LATS2: variants seen among roughly 807,000 people sequenced by gnomAD.
LATS2 encodes the protein large tumor suppressor kinase 2.
Under a neutral mutation model 76.0 loss-of-function variants are expected in LATS2, and 24 were observed. The ratio of observed to expected loss-of-function variants is 0.32; its 90% confidence interval spans 0.23 to 0.44. The LOEUF (loss-of-function observed/expected upper bound fraction) is 0.44. Ranked by LOEUF, LATS2 falls within the 20% of genes least tolerant of loss-of-function variation. The pLI is 1.00. For missense variants in LATS2, 1,286 were observed against 1,481.2 expected (o/e 0.87, Z 2.16); for synonymous variants, 692 against 635.4 (o/e 1.09, Z -1.34).
At chr13:21,047,926 A>T (rs969700937) in intron 1 of LATS2, among the ~76,000 whole-genome samples, 2 of 152,164 alleles carry the variant, frequency 1.3e-5, no homozygotes, top group African/African-American at 4.8e-5. Context: ...TTTAGAAGAT[A>T]AGAGAGAGAC....
Position 20,983,307 on chromosome 13 carries a change from T to C in LATS2, c.2399A>G (p.Asp800Gly), listed in dbSNP as rs1441472107. 5 of 1,614,044 alleles carry C rather than the reference T, an allele frequency of 3.1e-6. No individual in the cohort carries two copies. Among genetic ancestry groups the C allele is most frequent in the East Asian group, 2.2e-5 (1 of 44,862 alleles). The part of the protein sequence containing the change: ...RDIKPDNILI[D>G]LDGHIKLTDF... The stretch of plus-strand genomic sequence containing the variant: ...TGTGAGTTTAATGTGACCATCCAGA[T>C]CTATCAAAATGTTATCAGGCTTGAT... Residue 800 changes from aspartate to glycine, a missense_variant, in exon 5 of 8, where the codon GAT becomes GGT. Physicochemically the swap from Asp to Gly is moderately conservative, Grantham distance 94. Coordinates refer to ENST00000382592, the MANE Select transcript of LATS2 (RefSeq NM_014572.3).
Position 20,989,307 on chromosome 13 carries a change from G to T in LATS2, c.476-3C>A. The T allele has an allele frequency of 6.2e-7, 1 of 1,613,644 alleles. No individual in the cohort carries two copies. Among genetic ancestry groups the T allele is most frequent in the Non-Finnish European group, 8.5e-7 (1 of 1,179,988 alleles). On this transcript the variant is annotated splice_region_variant and splice_polypyrimidine_tract_variant and intron_variant, in intron 3 of 7. Transcript: ENST00000382592. Reference sequence around the variant, plus strand: ...TGGGGTTGGCATGAGCCCCTTTCCTGCAGTGGAAAAAACAGGAAGACAGCA... The same window carrying T: ...TGGGGTTGGCATGAGCCCCTTTCCTTCAGTGGAAAAAACAGGAAGACAGCA...
chr13:20,975,809 G>A (rs1250367421), intron 7 of LATS2, among the ~76,000 whole-genome samples: 1 of 152,048 alleles, frequency 6.6e-6, no homozygotes, highest in Admixed American at 6.6e-5. Context: ...TCAGCCTCCC[G>A]AGTAGCTGGG....
At chr13:20,998,373 TAATTA>T (rs1235809819) in intron 2 of LATS2, among the ~76,000 whole-genome samples, 3 of 142,898 alleles carry the variant, frequency 2.1e-5, no homozygotes, top group Admixed American at 1.5e-4. Flanking sequence ...AAACAAAAAT[TAATTA>T]ATTAATTAAA....
chr13:21,053,721 T>C (rs1873356921), intron 1 of LATS2, among the ~76,000 whole-genome samples: 1 of 152,184 alleles, frequency 6.6e-6, no homozygotes, highest in Admixed American at 6.5e-5. Flanking sequence ...CGCAGAACTA[T>C]GGCATATTAT....
chr13:21,041,741 C>T (rs999278250), intron 2 of LATS2, among the ~76,000 whole-genome samples: 4 of 152,130 alleles, frequency 2.6e-5, no homozygotes, highest in African/African-American at 9.7e-5. Context: ...AGAGGGGACA[C>T]CATGTGATAA....
intron 4 of LATS2, among the ~76,000 whole-genome samples, chr13:20,984,601 T>A (rs1043437535): frequency 3.3e-5 from 5 of 152,074 alleles, no homozygotes; most frequent in African/African-American, 1.2e-4. Context: ...AAAAAAAATC[T>A]AGGAGTAAAT....
chr13:21,030,130 A>C (rs1329998769), intron 2 of LATS2, among the ~76,000 whole-genome samples: 2 of 151,928 alleles, frequency 1.3e-5, no homozygotes, highest in African/African-American at 4.8e-5. Flanking sequence ...TTCAAAAAAA[A>C]AAAGGAAAAA....
intron 2 of LATS2, among the ~76,000 whole-genome samples, chr13:20,994,476 GAAGAC>G (rs1870654770): frequency 6.6e-6 from 1 of 152,224 alleles, no homozygotes; most frequent in South Asian, 2.1e-4. Context: ...GTCACAGAGT[GAAGAC>G]AAGTGCACAG....
rs1055756180 is a variant in LATS2, at chr13:21,046,158, T to C, written c.-132A>G. 2.7e-6 allele frequency: 2 copies of C among 732,820 alleles called. No homozygotes were observed. The highest frequency in any genetic ancestry group is 2.1e-6 in the Non-Finnish European group (1 of 465,364). The allele number at this position is 732,820 out of a possible 1,614,324, so 45.4% of individuals were successfully genotyped here. On this transcript the variant is annotated 5_prime_UTR_variant, in exon 2 of 8. Transcript: ENST00000382592. Reference sequence around the variant, plus strand: ...AATAATTTCCTTTTGAAAATGTTCTTTCCTTCCATTTTTGTAGTTCCTATA... The same window carrying C: ...AATAATTTCCTTTTGAAAATGTTCTCTCCTTCCATTTTTGTAGTTCCTATA...
rs35074574 is a variant in LATS2, at chr13:20,990,461, A to ATTTTTTTTT, written c.475+802_475+810dup. Among the ~76,000 whole-genome samples the ATTTTTTTTT allele has an allele frequency of 9.3e-3, 880 of 94,490 alleles. 125 individuals are homozygous for ATTTTTTTTT. The highest frequency in any genetic ancestry group is 0.021 in the African/African-American group (510 of 24,360). The allele number at this position is 94,490 out of a possible 152,430, so 62.0% of individuals were successfully genotyped here. A position where few individuals can be genotyped will look rare whatever the true frequency, so the allele number is the denominator to read the frequency against. On this transcript the variant is annotated intron_variant, in intron 3 of 7. Transcript: ENST00000382592. Reference sequence around the variant, plus strand: ...GGGAAAACTCTTGCTAATTACTAGGATTTTTTTTTTTTTTTTTTTTTTTTT... The same window carrying ATTTTTTTTT: ...GGGAAAACTCTTGCTAATTACTAGGATTTTTTTTTTTTTTTTTTTTTTTTTTTTTTTTTT...
In LATS2 at chr13:20,991,223, C is replaced by T; in HGVS notation, c.475+49G>A. On this transcript the variant is annotated intron_variant, in intron 3 of 7. Coordinates refer to ENST00000382592, the MANE Select transcript of LATS2 (RefSeq NM_014572.3). The surrounding 1 kb of genome is among the most constrained non-coding windows in gnomAD (Gnocchi z 4.9). ...CCCCTCTGCACGTGGTTTTGTTGTCCTTAAGCCACAAACCATCTTTGCCCA... is the reference window on the plus strand; with the variant it reads ...CCCCTCTGCACGTGGTTTTGTTGTCTTTAAGCCACAAACCATCTTTGCCCA... The T allele has an allele frequency of 6.2e-7, 1 of 1,610,976 alleles. No individual in the cohort carries two copies.
At position 20,974,893 on chromosome 13, in the gene LATS2, C is replaced by T; in HGVS notation, c.3244G>A (p.Gly1082Ser). ...ESSDLVDQTE[G>S]CQPVYV ...ATCTACACGTACACAGGCTGGCAGC[C>T]TTCAGTCTGATCCACCAGATCAGAG... The change falls in exon 8 of 8, where the codon GGC becomes AGC. Residue 1082 changes from glycine to serine, a missense_variant. Coordinates refer to ENST00000382592, the MANE Select transcript of LATS2 (RefSeq NM_014572.3). 6.2e-7 allele frequency: 1 copy of T among 1,613,428 alleles called. No individual in the cohort carries two copies. The highest frequency in any genetic ancestry group is 8.5e-7 in the Non-Finnish European group (1 of 1,179,728).
chr13:21,025,231 A>T (rs996580075), intron 2 of LATS2, among the ~76,000 whole-genome samples: 1 of 151,572 alleles, frequency 6.6e-6, no homozygotes, highest in Non-Finnish European at 1.5e-5. Context: ...AAAAAAAAAA[A>T]AAATACAAAA....
chr13:20,995,207 A>G (rs920327671), intron 2 of LATS2, among the ~76,000 whole-genome samples: 5 of 152,184 alleles, frequency 3.3e-5, no homozygotes, highest in African/African-American at 1.2e-4. Context: ...GTTTCTGGGA[A>G]AAAAAAACAT....
At chr13:21,011,387 G>C (rs1038292593) in intron 2 of LATS2, among the ~76,000 whole-genome samples, 2 of 152,188 alleles carry the variant, frequency 1.3e-5, no homozygotes, top group Admixed American at 1.3e-4. Flanking sequence ...AAATGATCTA[G>C]ACATATATTT....
chr13:21,004,485 A>G (rs943496541), intron 2 of LATS2, among the ~76,000 whole-genome samples: 3 of 151,986 alleles, frequency 2.0e-5, no homozygotes. Context: ...AAATTTTAAC[A>G]GTATACATCC....
intron 2 of LATS2, among the ~76,000 whole-genome samples, chr13:20,996,101 G>C (rs561166757): frequency 6.6e-6 from 1 of 152,266 alleles, no homozygotes; most frequent in East Asian, 1.9e-4. Flanking sequence ...TTCTCTTCTA[G>C]ACAGATCTCA....
At chr13:20,984,378 C>T (rs1348430833) in intron 4 of LATS2, among the ~76,000 whole-genome samples, 1 of 152,170 alleles carries the variant, frequency 6.6e-6, no homozygotes, top group Non-Finnish European at 1.5e-5. Flanking sequence ...AAGGGGACCA[C>T]AGCATTCCTA....
Sources: allele counts gnomAD v4.1 joint callset (sites outside exome capture counted in the v4.1 genomes callset), GRCh38; gene constraint gnomAD v4.1.1; non-coding constraint Gnocchi (gnomAD v3.1); transcripts MANE v1.5; gene names NCBI Gene and HGNC (gene_info 2026-07-23, HGNC 2026-07-21).